The following SLC35F1 variants were observed in gnomAD, a reference collection of about 807,000 sequenced individuals.
SLC35F1 encodes chromosome 6 open reading frame 169.
Under a neutral mutation model 48.7 loss-of-function variants are expected in SLC35F1, and 14 were observed. The ratio of observed to expected loss-of-function variants is 0.29; its 90% CI spans 0.19 to 0.45. The LOEUF (loss-of-function observed/expected upper bound fraction) is 0.45, where lower values mean the gene tolerates loss of function less well. Ranked by LOEUF, SLC35F1 falls within the 20% of genes least tolerant of loss-of-function variation. SLC35F1 has a pLI of 1.00. For missense variants in SLC35F1, 404 were observed against 500.0 expected, an observed-to-expected ratio of 0.81 and a Z score of 1.83; for synonymous variants, 190 against 202.2, an observed-to-expected ratio of 0.94 and a Z score of 0.51.
chr6:118,074,300 A>C (rs566792050), intron 1 of SLC35F1, among the ~76,000 whole-genome samples: 1 of 152,224 alleles, frequency 6.6e-6, no homozygotes, highest in African/African-American at 2.4e-5. Flanking sequence ...AAGTGGAGTA[A>C]TTCAGGTTGT....
chr6:117,984,316 A>G (rs1037060789), intron 1 of SLC35F1, among the ~76,000 whole-genome samples: 3 of 152,032 alleles, frequency 2.0e-5, no homozygotes, highest in African/African-American at 7.2e-5. Flanking sequence ...TGGCTAACGC[A>G]GTGAAACCCT....
chr6:118,311,893 A>G (rs1308096708), intron 7 of SLC35F1, among the ~76,000 whole-genome samples: 1 of 152,270 alleles, frequency 6.6e-6, no homozygotes, highest in Non-Finnish European at 1.5e-5. Flanking sequence ...AGTAATAACA[A>G]AAACAATAAT....
At chr6:117,998,643 A>T (rs12212649) in intron 1 of SLC35F1, among the ~76,000 whole-genome samples, 2 of 152,072 alleles carry the variant, frequency 1.3e-5, no homozygotes, top group Non-Finnish European at 2.9e-5. Flanking sequence ...ACTCAACTAC[A>T]TGGAAACTGA....
At chr6:118,001,588 A>G (rs201094360) in intron 1 of SLC35F1, among the ~76,000 whole-genome samples, 1 of 151,842 alleles carries the variant, frequency 6.6e-6, no homozygotes, top group Non-Finnish European at 1.5e-5. Flanking sequence ...ACAAAAGCCA[A>G]AATTGACAAA....
chr6:118,235,847 T>G lies in SLC35F1; in HGVS notation c.477+211T>G, dbSNP rs150210030. Among the ~76,000 whole-genome samples, 88 of 152,288 alleles carry G rather than the reference T, an allele frequency of 5.8e-4. 1 individual carries two copies. The East Asian group carries it at 0.016, about 28-fold the overall frequency. On this transcript the variant is annotated intron_variant, in intron 3 of 7. Transcript: ENST00000360388. ...ATATAAAAATTAACTTGAACTTTAT[T>G]TATATGTCTTAATAATCCTTTAAAT...
intron 1 of SLC35F1, among the ~76,000 whole-genome samples, chr6:118,089,854 C>T (rs144705725): frequency 6.6e-6 from 1 of 152,322 alleles, no homozygotes; most frequent in African/African-American, 2.4e-5. Flanking sequence ...GAATGAAAGT[C>T]TTTCTTCCAT....
intron 1 of SLC35F1, among the ~76,000 whole-genome samples, chr6:117,942,210 A>C (rs535755524): frequency 6.6e-6 from 1 of 152,286 alleles, no homozygotes; most frequent in African/African-American, 2.4e-5. Flanking sequence ...TTCGAGTCTC[A>C]CTGACACCAA....
intron 1 of SLC35F1, among the ~76,000 whole-genome samples, chr6:118,088,904 A>AC (rs772219746): frequency 2.3e-4 from 35 of 152,342 alleles, no homozygotes; most frequent in Non-Finnish European, 4.0e-4. Flanking sequence ...CACAGAAGGC[A>AC]CTTTTTTTGG....
chr6:118,291,361 G>T (rs1292612613), intron 7 of SLC35F1, among the ~76,000 whole-genome samples: 1 of 151,870 alleles, frequency 6.6e-6, no homozygotes, highest in South Asian at 2.1e-4. Context: ...CTATTTTGGG[G>T]AAAAAGTATT....
intron 1 of SLC35F1, among the ~76,000 whole-genome samples, chr6:118,094,982 A>G (rs1271260230): frequency 1.4e-5 from 2 of 143,002 alleles, no homozygotes; most frequent in Non-Finnish European, 3.1e-5. Flanking sequence ...AAAAAAAAAA[A>G]GTAGCCAGGC....
chr6:118,093,083 A>C (rs1412915474), intron 1 of SLC35F1, among the ~76,000 whole-genome samples: 1 of 152,096 alleles, frequency 6.6e-6, no homozygotes, highest in Non-Finnish European at 1.5e-5. Context: ...TTTGGGAGGC[A>C]GAGGCGGGTG....
At chr6:118,113,483 G>C (rs1773437510) in intron 1 of SLC35F1, among the ~76,000 whole-genome samples, 1 of 152,066 alleles carries the variant, frequency 6.6e-6, no homozygotes, top group African/African-American at 2.4e-5. Context: ...CTATCTATGT[G>C]TGGGGGCTGG....
rs964971880 is a variant in SLC35F1 at position 118,316,816 on chromosome 6, A to G, written c.*2564A>G. 1 of 152,154 alleles carries G rather than the reference A, an allele frequency of 6.6e-6. No individual in the cohort carries two copies. The highest frequency in any genetic ancestry group is 1.5e-5 in the Non-Finnish European group (1 of 68,028). 9.4% of individuals were successfully genotyped at this position (152,154 alleles called of 1,614,324 possible). A position where few individuals can be genotyped will look rare whatever the true frequency, so the allele number is the denominator to read the frequency against. ...TCGGTGTCCTTGTACTCAGACTTTCATGTCCCTGGGTGACCTCAATGTGTT... is the reference window on the plus strand; with the variant it reads ...TCGGTGTCCTTGTACTCAGACTTTCGTGTCCCTGGGTGACCTCAATGTGTT... On this transcript the variant is annotated 3_prime_UTR_variant, in exon 8 of 8. Transcript: ENST00000360388.
chr6:118,075,120 T>C (rs1355198004), intron 1 of SLC35F1, among the ~76,000 whole-genome samples: 1 of 152,188 alleles, frequency 6.6e-6, no homozygotes, highest in Non-Finnish European at 1.5e-5. Context: ...GTTTATTTAG[T>C]GGGAATTTTG....
intron 2 of SLC35F1, among the ~76,000 whole-genome samples, chr6:118,184,485 C>A (rs1266152704): frequency 2.0e-5 from 3 of 152,188 alleles, no homozygotes; most frequent in African/African-American, 7.2e-5. Context: ...TGCCCTAACT[C>A]CACTTTTCCT....
intron 2 of SLC35F1, among the ~76,000 whole-genome samples, chr6:118,205,984 G>T (rs1306833516): frequency 6.6e-6 from 1 of 152,182 alleles, no homozygotes; most frequent in African/African-American, 2.4e-5. Context: ...GACTGGGGAA[G>T]GGGGACATAG....
chr6:118,262,640 C>A (rs1043422273), intron 3 of SLC35F1, among the ~76,000 whole-genome samples: 20 of 152,284 alleles, frequency 1.3e-4, no homozygotes, highest in African/African-American at 4.6e-4. Context: ...TTCTCTTAGA[C>A]CATCAGTTCC....
intron 1 of SLC35F1, among the ~76,000 whole-genome samples, chr6:117,919,184 TC>T (rs752939020): frequency 3.9e-5 from 6 of 152,168 alleles, no homozygotes; most frequent in Non-Finnish European, 8.8e-5. Flanking sequence ...CCATGAGCCA[TC>T]ACACCTGGTG....
chr6:118,012,476 G>T (rs1228260379), intron 1 of SLC35F1, among the ~76,000 whole-genome samples: 1 of 152,108 alleles, frequency 6.6e-6, no homozygotes, highest in East Asian at 1.9e-4. Context: ...TAGGAAACCT[G>T]GGCTGAGATG....
Sources: allele counts gnomAD v4.1 joint callset (sites outside exome capture counted in the v4.1 genomes callset), GRCh38; gene constraint gnomAD v4.1.1; transcripts MANE v1.5; gene names NCBI Gene and HGNC (gene_info 2026-07-23, HGNC 2026-07-21).